The following DESI2 variants were observed in gnomAD, a reference collection of about 807,000 sequenced individuals.
The protein encoded by DESI2 is desumoylating isopeptidase 2.
In DESI2, 10 loss-of-function variants were observed where a neutral mutation model predicts 24.1. The ratio of observed to expected loss-of-function variants is 0.41; its 90% confidence interval spans 0.26 to 0.70. The LOEUF (loss-of-function observed/expected upper bound fraction) is 0.70. Among genes scored for constraint, DESI2 ranks in the 30% least tolerant of loss-of-function variants. The probability of loss-of-function intolerance (pLI) is 0.29; values close to 1 mark genes in which losing one functional copy is unlikely to be tolerated. For missense variants in DESI2, 122 were observed against 234.9 expected, an observed-to-expected ratio of 0.52 and a Z score of 3.14; for synonymous variants, 71 against 87.7, an observed-to-expected ratio of 0.81 and a Z score of 1.06.
At chr1:244,676,140 G>C (rs964123564) in intron 1 of DESI2, among the ~76,000 whole-genome samples, 3 of 151,396 alleles carry the variant, frequency 2.0e-5, no homozygotes, top group Admixed American at 1.3e-4. Flanking sequence ...GCAGTGGCGC[G>C]ATCTCAGCTC....
intron 1 of DESI2, among the ~76,000 whole-genome samples, chr1:244,686,250 C>CTGTGTGTGTGTGTGTG (rs767500032): frequency 5.1e-4 from 77 of 150,504 alleles, no homozygotes; most frequent in African/African-American, 1.7e-3. Context: ...AAAGCACACT[C>CTGTGTGTGTGTGTGTG]TGTGTGTGTG....
At chr1:244,662,569 C>T (rs1258625492) in intron 1 of DESI2, among the ~76,000 whole-genome samples, 2 of 151,956 alleles carry the variant, frequency 1.3e-5, no homozygotes, top group Non-Finnish European at 2.9e-5. Flanking sequence ...TTAAATAATG[C>T]CAAACTCATC....
Position 244,705,575 on chromosome 1 carries a change from T to C in DESI2, c.371T>C (p.Ile124Thr). Residue 124 changes from isoleucine (I) to threonine (T), a missense_variant, in exon 5 of 5, where the codon ATT becomes ACT. By Grantham distance (89) the Ile-to-Thr change is moderately conservative. Transcript: ENST00000302550. ...ALSEILCGKE[I>T]PRWINRLAYF... ...CTGTAGATTCTTTGTGGGAAAGAGATTCCTCGCTGGATCAATCGACTTGCC... is the reference window on the plus strand; with the variant it reads ...CTGTAGATTCTTTGTGGGAAAGAGACTCCTCGCTGGATCAATCGACTTGCC... 6.2e-7 allele frequency: 1 copy of C among 1,614,064 alleles called. No individual in the cohort carries two copies. The highest frequency in any genetic ancestry group is 8.5e-7 in the Non-Finnish European group (1 of 1,179,966).
chr1:244,669,167 T>C (rs986856529), intron 1 of DESI2, among the ~76,000 whole-genome samples: 4 of 151,894 alleles, frequency 2.6e-5, no homozygotes, highest in African/African-American at 9.7e-5. Context: ...GGCTAATTGT[T>C]TAATTTTTTT....
intron 1 of DESI2, among the ~76,000 whole-genome samples, chr1:244,674,424 A>G (rs948851180): frequency 5.3e-5 from 8 of 151,838 alleles, no homozygotes; most frequent in Non-Finnish European, 1.0e-4. Context: ...ATTTTAGTAT[A>G]TTCACAGTTG....
At chr1:244,696,494 C>T (rs929776954) in intron 4 of DESI2, among the ~76,000 whole-genome samples, 2 of 152,128 alleles carry the variant, frequency 1.3e-5, no homozygotes, top group African/African-American at 4.8e-5. Flanking sequence ...GTGGTGTGTG[C>T]CTGTAGTCCC....
Position 244,653,145 on chromosome 1 carries a change from G to C in DESI2, c.-169G>C. ...CCGCACAGACGCTCCTGTCGGCGGCGCCCGGGAGCGGCTCGGCTGCCCGAT... is the reference window on the plus strand; with the variant it reads ...CCGCACAGACGCTCCTGTCGGCGGCCCCCGGGAGCGGCTCGGCTGCCCGAT... On this transcript the variant is annotated 5_prime_UTR_variant, in exon 1 of 5. Coordinates refer to ENST00000302550, the MANE Select transcript of DESI2 (RefSeq NM_016076.5). 1 of 569,138 alleles carries C rather than the reference G, an allele frequency of 1.8e-6. No individual in the cohort carries two copies. The highest frequency in any genetic ancestry group is 2.0e-5 in the African/African-American group (1 of 51,172). The allele number at this position is 569,138 out of a possible 1,614,324, so 35.3% of individuals were successfully genotyped here.
intron 2 of DESI2, among the ~76,000 whole-genome samples, chr1:244,687,460 A>G (rs963777415): frequency 1.3e-5 from 2 of 152,172 alleles, no homozygotes; most frequent in East Asian, 3.9e-4. Context: ...AACTAACCCT[A>G]TAGCAGAAAT....
At chr1:244,673,939 T>C (rs1676326584) in intron 1 of DESI2, among the ~76,000 whole-genome samples, 1 of 152,018 alleles carries the variant, frequency 6.6e-6, no homozygotes, top group South Asian at 2.1e-4. Flanking sequence ...AAACATGGTA[T>C]ACTCTTCTGT....
intron 4 of DESI2, 29 bp from the exon 5 acceptor site, chr1:244,705,527 C>T (rs1344276505): frequency 1.3e-6 from 2 of 1,589,888 alleles, no homozygotes; most frequent in Non-Finnish European, 1.7e-6. Flanking sequence ...ACCTCTCTTA[C>T]CTAATACAGA....
chr1:244,697,476 C>CA (rs60674613), intron 4 of DESI2, among the ~76,000 whole-genome samples: 2,835 of 119,028 alleles, frequency 0.024, 64 homozygotes, highest in African/African-American at 0.061. Flanking sequence ...GCCTCTGTCT[C>CA]AAAAAAAAAA....
At chr1:244,673,751 CAG>C (rs1419032667) in intron 1 of DESI2, among the ~76,000 whole-genome samples, 1 of 151,842 alleles carries the variant, frequency 6.6e-6, no homozygotes, top group African/African-American at 2.4e-5. Flanking sequence ...ATAATAAAAA[CAG>C]GGAAATGGAA....
intron 1 of DESI2, among the ~76,000 whole-genome samples, chr1:244,663,453 G>C (rs996930037): frequency 6.6e-6 from 1 of 152,016 alleles, no homozygotes; most frequent in Non-Finnish European, 1.5e-5. Context: ...TGGGATTACA[G>C]GCGTGAGCCA....
At chr1:244,654,556 G>T (rs1675580544) in intron 1 of DESI2, among the ~76,000 whole-genome samples, 1 of 152,192 alleles carries the variant, frequency 6.6e-6, no homozygotes, top group African/African-American at 2.4e-5. Context: ...GTTGAATTCT[G>T]ATGTGAGCCT....
chr1:244,696,364 G>GT (rs1553406133), intron 4 of DESI2, among the ~76,000 whole-genome samples: 1 of 152,216 alleles, frequency 6.6e-6, no homozygotes, highest in Non-Finnish European at 1.5e-5. Flanking sequence ...GCTCACGCCT[G>GT]TAATCCCAGT....
chr1:244,692,765 ACT>A (rs1476129687), intron 4 of DESI2, among the ~76,000 whole-genome samples: 2 of 151,972 alleles, frequency 1.3e-5, no homozygotes, highest in African/African-American at 2.4e-5. Context: ...CTTTCAGACA[ACT>A]CTCACAGACT....
intron 1 of DESI2, among the ~76,000 whole-genome samples, chr1:244,685,424 T>TA (rs1383498886): frequency 6.6e-6 from 1 of 152,226 alleles, no homozygotes; most frequent in Non-Finnish European, 1.5e-5. Flanking sequence ...CAAGGGTCTG[T>TA]ACCAGGATCT....
intron 4 of DESI2, among the ~76,000 whole-genome samples, chr1:244,693,041 A>G (rs577998673): frequency 1.3e-5 from 2 of 152,304 alleles, no homozygotes; most frequent in African/African-American, 2.4e-5. Context: ...CAGGCATTAC[A>G]TTTGTATGGA....
intron 2 of DESI2, among the ~76,000 whole-genome samples, chr1:244,688,963 G>A (rs548797501): frequency 5.9e-5 from 9 of 152,320 alleles, no homozygotes; most frequent in Non-Finnish European, 1.2e-4. Context: ...CAGGCAGAGA[G>A]AACTGTATAT....
Sources: gnomAD v4.1 joint callset for allele counts (sites outside exome capture counted in the v4.1 genomes callset) on GRCh38, gnomAD v4.1.1 for gene constraint, MANE v1.5 for transcripts, NCBI Gene and HGNC (gene_info 2026-07-23, HGNC 2026-07-21) for gene names.